The following ZBTB20 variants were observed in gnomAD, a reference collection of about 807,000 sequenced individuals.
The protein encoded by ZBTB20 is zinc finger and BTB domain containing 20, also known as zinc finger and BTB domain-containing protein 20.
In ZBTB20, 9 loss-of-function variants were observed where a neutral mutation model predicts 56.9. The observed-to-expected ratio is 0.16, with a 90% CI of 0.10 to 0.28. ZBTB20 has a LOEUF of 0.28. Ranked by LOEUF, ZBTB20 falls within the 10% of genes least tolerant of loss-of-function variation. The probability of loss-of-function intolerance (pLI) is 1.00; values close to 1 mark genes in which losing one functional copy is unlikely to be tolerated. For missense variants in ZBTB20, 655 were observed against 1,003.0 expected (o/e 0.65, Z 4.69); for synonymous variants, 417 against 420.7 (o/e 0.99, Z 0.11).
intron 5 of ZBTB20, among the ~76,000 whole-genome samples, chr3:114,773,407 T>C (rs1257767613): frequency 6.6e-6 from 1 of 152,134 alleles, no homozygotes; most frequent in African/African-American, 2.4e-5. Flanking sequence ...GAGTAAAGAA[T>C]TGGGACAGGA....
Position 115,110,105 on chromosome 3 carries a change from G to A in ZBTB20, c.-703+37114C>T, listed in dbSNP as rs1042275840. ...CACATACCTGTAATCCCAGCTACTC[G>A]GGAGGCTGAGGCAAGAGAATCACTT... On this transcript the variant is annotated intron_variant, in intron 1 of 11. Coordinates refer to ENST00000675478, the MANE Select transcript of ZBTB20 (RefSeq NM_001348800.3). Among the ~76,000 whole-genome samples the A allele has an allele frequency of 3.3e-5, 5 of 152,032 alleles. No homozygotes were observed. In the East Asian group the frequency reaches 5.8e-4, roughly 18 times the overall value.
intron 4 of ZBTB20, among the ~76,000 whole-genome samples, chr3:114,849,922 T>C (rs1300521306): frequency 1.6e-5 from 2 of 121,988 alleles, no homozygotes; most frequent in African/African-American, 6.1e-5. Flanking sequence ...TTTTTTGAGA[T>C]GGAGTCTTGC....
At chr3:115,101,863 A>G (rs533015386) in intron 1 of ZBTB20, among the ~76,000 whole-genome samples, 22 of 152,198 alleles carry the variant, frequency 1.4e-4, no homozygotes, top group Non-Finnish European at 3.2e-4. Flanking sequence ...AACTACCTTG[A>G]AACAACAGCT....
At chr3:115,111,065 C>T (rs890907180) in intron 1 of ZBTB20, among the ~76,000 whole-genome samples, 2 of 151,044 alleles carry the variant, frequency 1.3e-5, no homozygotes, top group African/African-American at 2.4e-5. Flanking sequence ...ACAAATCCTC[C>T]TTCATGTTAA....
intron 5 of ZBTB20, among the ~76,000 whole-genome samples, chr3:114,723,314 C>T (rs2065043159): frequency 6.6e-6 from 1 of 152,182 alleles, no homozygotes; most frequent in African/African-American, 2.4e-5. Flanking sequence ...TAACACCATG[C>T]TCTAATGGCT....
intron 2 of ZBTB20, among the ~76,000 whole-genome samples, chr3:115,049,612 A>G (rs2081465975): frequency 6.6e-6 from 1 of 152,134 alleles, no homozygotes; most frequent in Non-Finnish European, 1.5e-5. Context: ...CACTTCTGGC[A>G]TCATGGCAGT....
rs1182238348 is a variant in ZBTB20, at chr3:114,315,216, A to G, written c.*23789T>C. 1 of 152,244 alleles carries G rather than the reference A, an allele frequency of 6.6e-6. No individual in the cohort carries two copies. The highest frequency in any genetic ancestry group is 2.4e-5 in the African/African-American group (1 of 41,472). 9.4% of individuals were successfully genotyped at this position (152,244 alleles called of 1,614,324 possible). A position where few individuals can be genotyped will look rare whatever the true frequency, so the allele number is the denominator to read the frequency against. ...CACAGAGTGATACAAGCAGTGTTCC[A>G]TGCCCACCTGCAAAGATTGGAGGGT... On this transcript the variant is annotated 3_prime_UTR_variant, in exon 12 of 12. Transcript: ENST00000675478.
At chr3:114,399,333 C>T (rs548730748) in intron 7 of ZBTB20, among the ~76,000 whole-genome samples, 6 of 152,128 alleles carry the variant, frequency 3.9e-5, no homozygotes, top group Middle Eastern at 6.8e-3. Flanking sequence ...TAATAAAAAG[C>T]TATTTTATAA....
At chr3:114,744,015 A>G (rs1424462042) in intron 5 of ZBTB20, among the ~76,000 whole-genome samples, 4 of 152,220 alleles carry the variant, frequency 2.6e-5, no homozygotes, top group African/African-American at 9.6e-5. Flanking sequence ...AGAGCTGAGA[A>G]GGAAACCCCA....
chr3:114,509,594 GCACA>G (rs1226241996), intron 6 of ZBTB20, among the ~76,000 whole-genome samples: 6 of 152,030 alleles, frequency 3.9e-5, no homozygotes, highest in Admixed American at 3.9e-4. Context: ...CATCATACGT[GCACA>G]CACACATATT....
intron 3 of ZBTB20, among the ~76,000 whole-genome samples, chr3:114,907,214 TG>T (rs2075352728): frequency 6.0e-5 from 2 of 33,578 alleles, no homozygotes; most frequent in Non-Finnish European, 3.0e-4. Context: ...GGCAGCAGAA[TG>T]TAGTTAGGCT....
intron 5 of ZBTB20, among the ~76,000 whole-genome samples, chr3:114,773,705 G>T (rs2069379627): frequency 6.6e-6 from 1 of 151,964 alleles, no homozygotes. Flanking sequence ...GTTTATAAAG[G>T]CATGAAGATA....
chr3:114,631,810 T>C (rs892268796), intron 6 of ZBTB20, among the ~76,000 whole-genome samples: 6 of 152,202 alleles, frequency 3.9e-5, no homozygotes, highest in African/African-American at 1.4e-4. Flanking sequence ...ACCAATTTGG[T>C]AAACTATGAT....
At chr3:114,465,655 C>T (rs1204106379) in intron 7 of ZBTB20, among the ~76,000 whole-genome samples, 2 of 151,298 alleles carry the variant, frequency 1.3e-5, no homozygotes, top group Admixed American at 6.6e-5. Context: ...TGCAGTGAGC[C>T]GAGATCGCAC....
intron 2 of ZBTB20, among the ~76,000 whole-genome samples, chr3:115,012,102 C>T (rs1368066142): frequency 6.6e-6 from 1 of 151,012 alleles, no homozygotes; most frequent in Admixed American, 6.6e-5. Flanking sequence ...AATCATATCA[C>T]CAGAGAAAAT....
rs973110416 is a variant in ZBTB20 at position 114,332,799 on chromosome 3, C to T, written c.*6206G>A. 1.3e-5 allele frequency: 2 copies of T among 152,178 alleles called. No individual in the cohort carries two copies. The highest frequency in any genetic ancestry group is 2.9e-5 in the Non-Finnish European group (2 of 68,036). The allele number at this position is 152,178 out of a possible 1,614,324, so 9.4% of individuals were successfully genotyped here. ...GATTAGATTTCAGTCTGAAAGTCTA[C>T]AGTTTACGGAGCAAAAGGTGGAGCC... On this transcript the variant is annotated 3_prime_UTR_variant, in exon 12 of 12. Transcript: ENST00000675478.
intron 6 of ZBTB20, among the ~76,000 whole-genome samples, chr3:114,646,224 AC>A (rs2059829887): frequency 6.6e-6 from 1 of 151,770 alleles, no homozygotes; most frequent in South Asian, 2.1e-4. Flanking sequence ...ACCATTGCAA[AC>A]CCTGTCCTTG....
chr3:114,499,395 T>C (rs1045634897), intron 7 of ZBTB20, among the ~76,000 whole-genome samples: 7 of 152,194 alleles, frequency 4.6e-5, no homozygotes, highest in Admixed American at 3.3e-4. Context: ...AAAATAGCCA[T>C]GGGAACCTCC....
chr3:114,450,069 T>C (rs1366483947), intron 7 of ZBTB20, among the ~76,000 whole-genome samples: 3 of 152,228 alleles, frequency 2.0e-5, no homozygotes, highest in Non-Finnish European at 4.4e-5. Context: ...ACTTTTGCTC[T>C]ATGATATTTA....
Sources: allele counts gnomAD v4.1 joint callset (sites outside exome capture counted in the v4.1 genomes callset), GRCh38; gene constraint gnomAD v4.1.1; transcripts MANE v1.5; gene names NCBI Gene and HGNC (gene_info 2026-07-23, HGNC 2026-07-21).